The following UNC13C variants were observed in gnomAD, a reference collection of about 807,000 sequenced individuals.
UNC13C encodes the protein unc-13 homolog C.
UNC13C carries 174 observed loss-of-function variants against 245.4 expected under a neutral mutation model. The ratio of observed to expected loss-of-function variants is 0.71; its 90% CI spans 0.63 to 0.80. The LOEUF is 0.80. UNC13C is among the 30% of genes least tolerant of loss of function. The probability of loss-of-function intolerance (pLI) is 0.00; values close to 1 mark genes in which losing one functional copy is unlikely to be tolerated. For synonymous variants in UNC13C, 992 were observed against 895.1 expected, an observed-to-expected ratio of 1.11 and a Z score of -1.93; for missense variants, 2,829 against 2,602.9, an observed-to-expected ratio of 1.09 and a Z score of -1.89.
intron 14 of UNC13C, among the ~76,000 whole-genome samples, chr15:54,323,163 A>G (rs2140982193): frequency 6.6e-6 from 1 of 152,146 alleles, no homozygotes; most frequent in East Asian, 1.9e-4. Context: ...GTTATGTGTC[A>G]TAGAAAAGAA....
intron 2 of UNC13C, among the ~76,000 whole-genome samples, chr15:54,041,089 C>T (rs541013067): frequency 6.6e-6 from 1 of 152,272 alleles, no homozygotes; most frequent in African/African-American, 2.4e-5. Context: ...CAGACTTTGT[C>T]TGTTTTGCTT....
chr15:53,891,874 TTGTTATATGTGAATTTGATCC>T, the UNC13C span, among the ~76,000 whole-genome samples: 1 of 152,238 alleles, frequency 6.6e-6, no homozygotes, highest in Non-Finnish European at 1.5e-5. Context: ...AAAGTTAATA[TTGTTATATGTGAATTTGATCC>T]TGTCATTATG....
intron 2 of UNC13C, among the ~76,000 whole-genome samples, chr15:54,125,511 A>G (rs2030978947): frequency 6.6e-6 from 1 of 152,190 alleles, no homozygotes; most frequent in South Asian, 2.1e-4. Flanking sequence ...AATTGTGTTA[A>G]GCCTTTATAT....
At chr15:53,883,163 AT>A in the UNC13C span, among the ~76,000 whole-genome samples, 5 of 151,976 alleles carry the variant, frequency 3.3e-5, no homozygotes, top group East Asian at 1.9e-4. Context: ...CAGCAATTGA[AT>A]TTTTTTTCTA....
intron 20 of UNC13C, among the ~76,000 whole-genome samples, chr15:54,497,929 G>C (rs939016176): frequency 1.3e-5 from 2 of 151,940 alleles, no homozygotes; most frequent in African/African-American, 4.8e-5. Context: ...TAGATCAAAG[G>C]TCCACAGCTT....
intron 17 of UNC13C, among the ~76,000 whole-genome samples, chr15:54,360,291 C>G (rs2039201554): frequency 6.6e-6 from 1 of 152,022 alleles, no homozygotes; most frequent in Non-Finnish European, 1.5e-5. Context: ...TGTTGGATGA[C>G]ATTTTCTGGA....
chr15:54,185,225 G>A (rs144936614), intron 4 of UNC13C, among the ~76,000 whole-genome samples: 2 of 152,038 alleles, frequency 1.3e-5, no homozygotes, highest in East Asian at 1.9e-4. Context: ...TAGGTTGCCT[G>A]TTCACTCTGA....
At chr15:54,525,789 C>A (rs752262740) in intron 25 of UNC13C, among the ~76,000 whole-genome samples, 152 bp downstream of exon 25, 1 of 152,180 alleles carries the variant, frequency 6.6e-6, no homozygotes, top group Admixed American at 6.5e-5. Flanking sequence ...TCTGTTATGA[C>A]CCCACAATCT....
intron 14 of UNC13C, among the ~76,000 whole-genome samples, chr15:54,325,532 G>T (rs1171922312): frequency 6.6e-6 from 1 of 151,906 alleles, no homozygotes; most frequent in Non-Finnish European, 1.5e-5. Context: ...TTTACATTAG[G>T]TGTTTCTCCT....
At chr15:53,881,158 A>G in the UNC13C span, among the ~76,000 whole-genome samples, 1 of 152,070 alleles carries the variant, frequency 6.6e-6, no homozygotes, top group Non-Finnish European at 1.5e-5. Context: ...GTGTACATGT[A>G]AATTTAAATC....
intron 2 of UNC13C, among the ~76,000 whole-genome samples, chr15:54,081,863 A>G (rs925662735): frequency 6.6e-6 from 1 of 152,106 alleles, no homozygotes; most frequent in African/African-American, 2.4e-5. Flanking sequence ...ACAATTGTGT[A>G]GCTGCTTTAT....
At chr15:54,212,153 C>T (rs1486335924) in intron 4 of UNC13C, among the ~76,000 whole-genome samples, 4 of 152,018 alleles carry the variant, frequency 2.6e-5, no homozygotes, top group Non-Finnish European at 4.4e-5. Flanking sequence ...TACAAACAAA[C>T]TTGACATGTT....
the UNC13C span, among the ~76,000 whole-genome samples, chr15:53,921,867 C>T: frequency 6.6e-6 from 1 of 152,204 alleles, no homozygotes; most frequent in Non-Finnish European, 1.5e-5. Flanking sequence ...AGGGTCATTT[C>T]ATTTAAATGG....
At chr15:54,569,931 GC>G (rs1897677732) in intron 30 of UNC13C, among the ~76,000 whole-genome samples, 1 of 151,612 alleles carries the variant, frequency 6.6e-6, no homozygotes, top group East Asian at 1.9e-4. Flanking sequence ...ATCCACCCTC[GC>G]CCAGCTGCCC....
intron 4 of UNC13C, among the ~76,000 whole-genome samples, chr15:54,179,933 G>A (rs1260968014): frequency 1.1e-4 from 17 of 151,966 alleles, no homozygotes; most frequent in Admixed American, 1.1e-3. Flanking sequence ...AAAACATAAG[G>A]TTAATTTTCC....
chr15:53,873,951 CCTTCCTTCCTTCCTTCCTTCCTGT>C, the UNC13C span, among the ~76,000 whole-genome samples: 2 of 87,332 alleles, frequency 2.3e-5, no homozygotes, highest in Non-Finnish European at 4.7e-5. Flanking sequence ...TTCCTTCCTT[CCTTCCTTCCTTCCTTCCTTCCTGT>C]CTTTCTTGTC....
intron 10 of UNC13C, among the ~76,000 whole-genome samples, chr15:54,277,973 C>A (rs2036877008): frequency 6.6e-6 from 1 of 152,098 alleles, no homozygotes; most frequent in Non-Finnish European, 1.5e-5. Flanking sequence ...CAAGTAGTAG[C>A]CGGTGCACAG....
intron 7 of UNC13C, among the ~76,000 whole-genome samples, chr15:54,244,423 T>G (rs1280582788): frequency 6.6e-6 from 1 of 152,232 alleles, no homozygotes; most frequent in Admixed American, 6.5e-5. Flanking sequence ...ACAACTTTGT[T>G]ATTTTTACTT....
At chr15:54,414,160 C>G (rs564207387) in intron 18 of UNC13C, among the ~76,000 whole-genome samples, 47 of 152,248 alleles carry the variant, frequency 3.1e-4, no homozygotes, top group African/African-American at 8.4e-4. Flanking sequence ...CACCAGGAGC[C>G]ATTTTGCCAG....
Sources: allele counts gnomAD v4.1 joint callset (sites outside exome capture counted in the v4.1 genomes callset), GRCh38; gene constraint gnomAD v4.1.1; transcripts MANE v1.5; gene names NCBI Gene and HGNC (gene_info 2026-07-23, HGNC 2026-07-21).